Variants in DCAF1 observed in about 807,000 individuals in gnomAD.
DCAF1 encodes the protein DDB1- and CUL4-associated factor 1.
A neutral mutation model predicts 128.0 loss-of-function variants in DCAF1; 15 were observed. That is an observed-to-expected ratio of 0.12 (90% CI 0.08 to 0.18). The LOEUF (loss-of-function observed/expected upper bound fraction) is 0.18, where lower values mean the gene tolerates loss of function less well. Among genes scored for constraint, DCAF1 ranks in the 10% least tolerant of loss-of-function variants. The probability of loss-of-function intolerance (pLI) is 1.00; values close to 1 mark genes in which losing one functional copy is unlikely to be tolerated. For synonymous variants in DCAF1, 610 were observed against 603.0 expected (o/e 1.01, Z -0.17); for missense variants, 988 against 1,649.5 (o/e 0.60, Z 6.95).
chr3:51,466,541 T>C (rs1294570080), intron 5 of DCAF1, among the ~76,000 whole-genome samples: 4 of 152,128 alleles, frequency 2.6e-5, no homozygotes, highest in African/African-American at 7.2e-5. Flanking sequence ...TATTTTTCCA[T>C]TGAAAAACTG....
chr3:51,422,482 CAAGAGAGACA>C, intron 13 of DCAF1, 51 bp from the exon 14 acceptor site: 1 of 714,716 alleles, frequency 1.4e-6, no homozygotes. Flanking sequence ...CCACAAGAAT[CAAGAGAGACA>C]GAGAGAGAGA....
intron 6 of DCAF1, among the ~76,000 whole-genome samples, chr3:51,456,408 A>T (rs144658500): frequency 2.0e-4 from 31 of 152,222 alleles, no homozygotes; most frequent in Non-Finnish European, 3.8e-4. Flanking sequence ...TAAACAAAGC[A>T]GCCCGGAAGC....
intron 6 of DCAF1, among the ~76,000 whole-genome samples, chr3:51,444,922 C>G (rs4687804): frequency 6.7e-5 from 10 of 148,750 alleles, no homozygotes; most frequent in South Asian, 2.1e-4. Context: ...TGATCCGCCC[C>G]CCTTGGCCTC....
chr3:51,440,973 T>G lies in DCAF1; in HGVS notation c.1125A>C (p.Leu375=). Residue 375 remains leucine, a synonymous_variant, in exon 9 of 25, where the codon CTA becomes CTC. Transcript: ENST00000684031. ...TNDVLLTFEA[L]KHLASLLLHN... is the part of the protein sequence containing the mutation. Reference sequence around the variant, plus strand: ...CCAATATTTTTAAGAACTTTACCTTTAGTGCCTCAAATGTAAGCAGGACAT... The same window carrying G: ...CCAATATTTTTAAGAACTTTACCTTGAGTGCCTCAAATGTAAGCAGGACAT... 6.2e-7 allele frequency: 1 copy of G among 1,610,262 alleles called. No homozygotes were observed. Among genetic ancestry groups the G allele is most frequent in the Non-Finnish European group, 8.5e-7 (1 of 1,178,472 alleles).
intron 2 of DCAF1, among the ~76,000 whole-genome samples, chr3:51,495,465 G>A (rs1017173355): frequency 6.6e-6 from 1 of 151,518 alleles, no homozygotes; most frequent in Non-Finnish European, 1.5e-5. Flanking sequence ...CTGGGTAACA[G>A]TAAGACCTTG....
At chr3:51,401,346 T>C (rs2089687474) in intron 24 of DCAF1, among the ~76,000 whole-genome samples, 2 of 152,172 alleles carry the variant, frequency 1.3e-5, no homozygotes, top group South Asian at 2.1e-4. Context: ...GCTACTGCTC[T>C]AAAGGATTAG....
At chr3:51,471,468 C>T (rs1704739382) in intron 3 of DCAF1, among the ~76,000 whole-genome samples, 1 of 151,932 alleles carries the variant, frequency 6.6e-6, no homozygotes, top group South Asian at 2.1e-4. Flanking sequence ...CAGACGTGAG[C>T]CACCACACCT....
At chr3:51,497,511 C>G (rs879992833) in intron 1 of DCAF1, among the ~76,000 whole-genome samples, 1 of 151,360 alleles carries the variant, frequency 6.6e-6, no homozygotes, top group East Asian at 1.9e-4. Context: ...CGCTTGAACC[C>G]GGGAGGTGGA....
chr3:51,405,745 G>A (rs2090057490), intron 23 of DCAF1, among the ~76,000 whole-genome samples: 1 of 152,224 alleles, frequency 6.6e-6, no homozygotes, highest in Non-Finnish European at 1.5e-5. Flanking sequence ...ATTCTAGGAA[G>A]CAATTTTAGG....
chr3:51,476,572 CAAAAAAAAAAAAA>C (rs11359977), intron 3 of DCAF1, among the ~76,000 whole-genome samples: 3 of 49,636 alleles, frequency 6.0e-5, no homozygotes, highest in African/African-American at 2.6e-4. Context: ...AATTATATCT[CAAAAAAAAAAAAA>C]AAAAAAAAAA....
At chr3:51,416,473 C>T (rs533356263) in intron 18 of DCAF1, among the ~76,000 whole-genome samples, 1 of 152,162 alleles carries the variant, frequency 6.6e-6, no homozygotes. Context: ...CTAAATTTAC[C>T]GTATATTTGC....
At chr3:51,416,932 A>C (rs1698936403) in intron 17 of DCAF1, 61 bp from the exon 18 acceptor site, 1 of 1,552,378 alleles carries the variant, frequency 6.4e-7, no homozygotes, top group African/African-American at 1.4e-5. Flanking sequence ...CCTGCAACCA[A>C]CTGAAACACA....
upstream of DCAF1, among the ~76,000 whole-genome samples, chr3:51,503,351 C>G (rs1176369635): frequency 6.6e-6 from 1 of 152,164 alleles, no homozygotes; most frequent in African/African-American, 2.4e-5. Context: ...GCACCAAGTC[C>G]TCTAGGCTTC....
intron 9 of DCAF1, chr3:51,436,377 C>T (rs1700830985): frequency 1.9e-6 from 1 of 519,960 alleles, no homozygotes; most frequent in African/African-American, 1.9e-5. Flanking sequence ...TCAGATGTTG[C>T]TGCAGTTTCT....
chr3:51,435,763 G>GT (rs1483237134), intron 9 of DCAF1, among the ~76,000 whole-genome samples: 2 of 151,136 alleles, frequency 1.3e-5, no homozygotes, highest in East Asian at 1.9e-4. Context: ...TTAACAAACC[G>GT]TAAGTGACAA....
At chr3:51,396,887 A>C (rs1314320647), downstream of DCAF1, 1 of 167,030 alleles carries the variant, frequency 6.0e-6, no homozygotes, top group East Asian at 1.9e-4. Context: ...ACCAGCAGTC[A>C]GACTATTCCA....
At chr3:51,410,766 G>A (rs1310690118) in intron 23 of DCAF1, among the ~76,000 whole-genome samples, 1 of 152,212 alleles carries the variant, frequency 6.6e-6, no homozygotes, top group Non-Finnish European at 1.5e-5. Flanking sequence ...AAGGATGAGG[G>A]CAAGAGAGCT....
At chr3:51,402,775 T>G (rs1452732751) in intron 24 of DCAF1, among the ~76,000 whole-genome samples, 1 of 152,098 alleles carries the variant, frequency 6.6e-6, no homozygotes, top group Non-Finnish European at 1.5e-5. Context: ...GATTTCATCA[T>G]GTTGCCCAGG....
Position 51,414,619 on chromosome 3 carries a change from G to C in DCAF1, c.3837+5C>G. On this transcript the variant is annotated splice_donor_5th_base_variant and intron_variant, in intron 19 of 24. Coordinates refer to ENST00000684031, the MANE Select transcript of DCAF1 (RefSeq NM_001387579.1). The stretch of plus-strand genomic sequence containing the variant: ...TGGAAGGTAAGACATGAGTATAAAG[G>C]ATACAATCTCAGTATTAATGATCAC... 1.2e-6 allele frequency: 2 copies of C among 1,613,380 alleles called. No individual in the cohort carries two copies. Among genetic ancestry groups the C allele is most frequent in the Non-Finnish European group, 1.7e-6 (2 of 1,179,404 alleles).
Sources: allele counts gnomAD v4.1 joint callset (sites outside exome capture counted in the v4.1 genomes callset), GRCh38; gene constraint gnomAD v4.1.1; transcripts MANE v1.5; gene names NCBI Gene and HGNC (gene_info 2026-07-23, HGNC 2026-07-21).